The following TMC4 variants were observed in gnomAD, a reference collection of about 807,000 sequenced individuals.
The protein encoded by TMC4 is transmembrane channel like 4, also known as voltage-gated chloride channel TMC4.
Under a neutral mutation model 82.0 loss-of-function variants are expected in TMC4, and 70 were observed. The observed-to-expected ratio is 0.85, with a 90% CI of 0.70 to 1.04. TMC4 has a LOEUF of 1.04. Ranked by LOEUF, TMC4 falls within the 50% of genes least tolerant of loss-of-function variation. TMC4 has a pLI of 0.00. For missense variants in TMC4, 879 were observed against 899.0 expected, an observed-to-expected ratio of 0.98 and a Z score of 0.28; for synonymous variants, 446 against 406.0, an observed-to-expected ratio of 1.10 and a Z score of -1.18.
At chr19:54,172,792 C>T in intron 1 of TMC4, 1 of 473,486 alleles carries the variant, frequency 2.1e-6, no homozygotes, top group East Asian at 3.7e-5. Flanking sequence ...CTCCTATTCC[C>T]AAGACACCCA....
In TMC4 at chr19:54,160,472, C is replaced by A; in HGVS notation, c.2047G>T (p.Glu683Ter). The part of the protein sequence containing the change: ...RLISELKRQR[E>*]TEAQNKVFLA... ...CAGGGACCCGCCTGGCTCACCGTCT[C>A]TCTCTGACGTTTGAGCTCAGAGATG... Residue 683 changes from glutamate to a stop codon, truncating the protein, a stop_gained, in exon 14 of 15, where the codon GAG becomes TAG. Coordinates refer to ENST00000619895, the MANE Select transcript of TMC4 (RefSeq NM_144686.4). LOFTEE classifies it high-confidence loss of function. 1.2e-6 allele frequency: 2 copies of A among 1,613,642 alleles called. No individual in the cohort carries two copies. Among genetic ancestry groups the A allele is most frequent in the Non-Finnish European group, 1.7e-6 (2 of 1,179,774 alleles).
chr19:54,166,425 G>C (rs1240028216), intron 5 of TMC4, among the ~76,000 whole-genome samples: 3 of 151,888 alleles, frequency 2.0e-5, no homozygotes, highest in African/African-American at 7.3e-5. Context: ...AACCCCAGCA[G>C]GGGCAGAAAC....
At position 54,162,727 on chromosome 19, in the gene TMC4, A is replaced by G. The variant is rs1312737484; in HGVS notation, c.1448T>C (p.Leu483Pro). The G allele has an allele frequency of 6.2e-7, 1 of 1,614,082 alleles. No individual in the cohort carries two copies. Among genetic ancestry groups the G allele is most frequent in the Non-Finnish European group, 8.5e-7 (1 of 1,180,002 alleles). Reference sequence around the variant, plus strand: ...TGCCAAGACAGTCAGCAGATCAAAGAGCAGAAGTTTGTACATTTCCTGGCC... The same window carrying G: ...TGCCAAGACAGTCAGCAGATCAAAGGGCAGAAGTTTGTACATTTCCTGGCC... ...VLGQEMYKLL[L>P]FDLLTVLAVA... Residue 483 changes from leucine (L) to proline (P), a missense_variant, in exon 10 of 15, where the codon CTC (leucine) becomes CCC (proline). Coordinates refer to ENST00000619895, the MANE Select transcript of TMC4 (RefSeq NM_144686.4).
At position 54,161,024 on chromosome 19, in the gene TMC4, A is replaced by G. The variant is rs1387745037; in HGVS notation, c.1827T>C (p.Pro609=). The G allele has an allele frequency of 6.2e-7, 1 of 1,614,164 alleles. No individual in the cohort carries two copies. Among genetic ancestry groups the G allele is most frequent in the Non-Finnish European group, 8.5e-7 (1 of 1,180,000 alleles). ...CCCGGAATGGACCACACAGCTTAGA[A>G]GGCGGGATCCTGAAGTCAAGACAGG... is the stretch of plus-strand genomic sequence containing the variant. The part of the protein sequence containing the change: ...PLLYSIFLIP[P]SKLCGPFRGQ... The change falls in exon 13 of 15, where the codon CCT becomes CCC. Residue 609 remains proline, a synonymous_variant. Transcript: ENST00000619895.
chr19:54,169,495 C>T lies in TMC4; in HGVS notation c.442+17G>A. ...TCCAGGCCCTGCCCCCAGGACACCA[C>T]CCAAACCCCACCGCACCCCCGATCC... On this transcript the variant is annotated intron_variant, in intron 3 of 14. Transcript: ENST00000619895. The T allele has an allele frequency of 6.2e-7, 1 of 1,607,890 alleles. No homozygotes were observed. Among genetic ancestry groups the T allele is most frequent in the Non-Finnish European group, 8.5e-7 (1 of 1,178,050 alleles).
Position 54,172,228 on chromosome 19 carries a change from T to A in TMC4, c.80-145A>T, listed in dbSNP as rs941856591. 6.7e-4 allele frequency: 215 copies of A among 322,018 alleles called. 3 individuals are homozygous for A. Among genetic ancestry groups the A allele is most frequent in the South Asian group, 3.8e-3 (54 of 14,090 alleles). 19.9% of individuals were successfully genotyped at this position (322,018 alleles called of 1,614,324 possible). On this transcript the variant is annotated intron_variant, in intron 1 of 14. Transcript: ENST00000619895. ...GCTCCTCCTCCCTCAGACCCAGGAGTCCAGGCCCCCGGCTCCTCCTCCCTC... is the reference window on the plus strand; with the variant it reads ...GCTCCTCCTCCCTCAGACCCAGGAGACCAGGCCCCCGGCTCCTCCTCCCTC...
At chr19:54,166,551 C>G (rs943017040) in intron 5 of TMC4, among the ~76,000 whole-genome samples, 2 of 152,140 alleles carry the variant, frequency 1.3e-5, no homozygotes, top group Non-Finnish European at 1.5e-5. Flanking sequence ...CACTTGTGCC[C>G]GCATATAATC....
rs765719193 is a variant in TMC4 at position 54,168,583 on chromosome 19, C to T, written c.540G>A (p.Leu180=). 7.5e-6 allele frequency: 12 copies of T among 1,589,644 alleles called. No individual in the cohort carries two copies. In the African/African-American group the frequency reaches 1.3e-4, roughly 18 times the overall value. ...GAGCGCCTCCCAACCAGGTGGGCAG[C>T]AGCGTCATGCAGGCCATGAGCACAG... ...LASVLMACMT[L]LPTWLGGAPP... is the part of the protein sequence containing the mutation. Residue 180 remains leucine (L), a synonymous_variant, in exon 4 of 15, where the codon CTG becomes CTA. Coordinates refer to ENST00000619895, the MANE Select transcript of TMC4 (RefSeq NM_144686.4).
intron 10 of TMC4, 88 bp from the exon 11 acceptor site, chr19:54,162,373 G>T: frequency 1.6e-6 from 1 of 626,950 alleles, no homozygotes; most frequent in African/African-American, 2.2e-5. Flanking sequence ...CCAATAGGAA[G>T]CATGCGTATT....
At chr19:54,163,228 G>A in intron 8 of TMC4, 69 bp from the exon 9 acceptor site, 1 of 1,583,930 alleles carries the variant, frequency 6.3e-7, no homozygotes, top group South Asian at 1.1e-5. Context: ...CTTCTCAGTG[G>A]AACGCGCCCG....
chr19:54,163,023 C>A lies in TMC4; in HGVS notation c.1404+10G>T. 1.2e-6 allele frequency: 2 copies of A among 1,614,150 alleles called. No homozygotes were observed. Among genetic ancestry groups the A allele is most frequent in the Non-Finnish European group, 1.7e-6 (2 of 1,180,020 alleles). Reference sequence around the variant, plus strand: ...CCCAAGAGTCCCACGCACACCCATGCCGTTCTCACCGGAAGTTGTTTGTAA... The same window carrying A: ...CCCAAGAGTCCCACGCACACCCATGACGTTCTCACCGGAAGTTGTTTGTAA... On this transcript the variant is annotated intron_variant, in intron 9 of 14. Coordinates refer to ENST00000619895, the MANE Select transcript of TMC4 (RefSeq NM_144686.4).
At chr19:54,168,024 C>T (rs2075746447) in intron 5 of TMC4, 147 bp downstream of exon 5, 1 of 1,016,582 alleles carries the variant, frequency 9.8e-7, no homozygotes, top group Non-Finnish European at 1.4e-6. Flanking sequence ...GATTGCGCCA[C>T]TACACTCTAG....
chr19:54,165,909 G>T (rs2075691042), intron 5 of TMC4, among the ~76,000 whole-genome samples: 2 of 152,124 alleles, frequency 1.3e-5, no homozygotes, highest in Non-Finnish European at 2.9e-5. Flanking sequence ...AGGGACAGAG[G>T]CCCCAGAGGG....
intron 7 of TMC4, among the ~76,000 whole-genome samples, chr19:54,164,123 C>G (rs1009987192): frequency 6.6e-6 from 1 of 151,758 alleles, no homozygotes; most frequent in African/African-American, 2.4e-5. Context: ...TACAGGCGCC[C>G]ACCACCACGC....
At chr19:54,169,332 GC>G (rs2075825769) in intron 3 of TMC4, among the ~76,000 whole-genome samples, 179 bp downstream of exon 3, 1 of 151,816 alleles carries the variant, frequency 6.6e-6, no homozygotes, top group South Asian at 2.1e-4. Context: ...ACCGCGCCAG[GC>G]CCAGCCGTGC....
chr19:54,162,311 G>A, intron 10 of TMC4, 26 bp from the exon 11 acceptor site: 1 of 1,456,396 alleles, frequency 6.9e-7, no homozygotes. Context: ...GGGCCGGGCC[G>A]GAGTCAGGGG....
At chr19:54,166,116 C>T (rs993271703) in intron 5 of TMC4, among the ~76,000 whole-genome samples, 4 of 151,194 alleles carry the variant, frequency 2.6e-5, no homozygotes, top group African/African-American at 4.9e-5. Flanking sequence ...CCATGGCTCA[C>T]GCCTGTAATC....
In TMC4 at chr19:54,161,014, A is replaced by G; in HGVS notation, c.1837T>C (p.Cys613Arg). The change falls in exon 13 of 15, where the codon TGT becomes CGT. Residue 613 changes from cysteine to arginine, a missense_variant. Physicochemically the swap from Cys to Arg is radical, Grantham distance 180 (BLOSUM62 -3). Coordinates refer to ENST00000619895, the MANE Select transcript of TMC4 (RefSeq NM_144686.4). Reference sequence around the variant, plus strand: ...GACGACTGCCCCCGGAATGGACCACACAGCTTAGAAGGCGGGATCCTGAAG... The same window carrying G: ...GACGACTGCCCCCGGAATGGACCACGCAGCTTAGAAGGCGGGATCCTGAAG... ...SIFLIPPSKL[C>R]GPFRGQSSIW... 1 of 1,614,160 alleles carries G rather than the reference A, an allele frequency of 6.2e-7. No individual in the cohort carries two copies. The highest frequency in any genetic ancestry group is 1.1e-5 in the South Asian group (1 of 91,086).
At chr19:54,167,173 G>A (rs574594858) in intron 5 of TMC4, among the ~76,000 whole-genome samples, 79 of 152,078 alleles carry the variant, frequency 5.2e-4, no homozygotes, top group Middle Eastern at 6.8e-3. Flanking sequence ...TGAGGTAGGC[G>A]GATCAGTTGA....
Sources: allele counts gnomAD v4.1 joint callset (sites outside exome capture counted in the v4.1 genomes callset), GRCh38; gene constraint gnomAD v4.1.1; transcripts MANE v1.5; gene names NCBI Gene and HGNC (gene_info 2026-07-23, HGNC 2026-07-21).